GRM7: variants seen among roughly 807,000 people sequenced by gnomAD.
GRM7 encodes glutamate metabotropic receptor 7.
A neutral mutation model predicts 84.5 loss-of-function variants in GRM7; 35 were observed. The ratio of observed to expected loss-of-function variants is 0.41; its 90% CI spans 0.32 to 0.55. The LOEUF is 0.55. Ranked by LOEUF, GRM7 falls within the 20% of genes least tolerant of loss-of-function variation. The pLI, the probability that GRM7 is intolerant of heterozygous loss-of-function variation, is 0.19. For missense variants in GRM7, 1,003 were observed against 1,194.6 expected, an observed-to-expected ratio of 0.84 and a Z score of 2.36; for synonymous variants, 487 against 455.1, an observed-to-expected ratio of 1.07 and a Z score of -0.89.
intron 2 of GRM7, among the ~76,000 whole-genome samples, chr3:7,271,355 C>T (rs1024424132): frequency 8.6e-5 from 13 of 151,896 alleles, no homozygotes; most frequent in African/African-American, 3.1e-4. Flanking sequence ...GTCAGGAGAT[C>T]GAGACCATCC....
At chr3:6,878,454 T>C (rs1213326037) in intron 1 of GRM7, among the ~76,000 whole-genome samples, 2 of 151,196 alleles carry the variant, frequency 1.3e-5, no homozygotes, top group East Asian at 1.9e-4. Flanking sequence ...CTTGAAACTC[T>C]ACTAAGATTT....
intron 8 of GRM7, among the ~76,000 whole-genome samples, chr3:7,606,275 A>G (rs1308339807): frequency 6.6e-6 from 1 of 152,078 alleles, no homozygotes; most frequent in Admixed American, 6.6e-5. Context: ...TTATAAGACT[A>G]AAGAACAAAT....
At chr3:7,734,855 A>G (rs911844794) in intron 9 of GRM7, among the ~76,000 whole-genome samples, 12 of 152,194 alleles carry the variant, frequency 7.9e-5, no homozygotes, top group African/African-American at 1.2e-4. Context: ...AAAGGATTTA[A>G]GAGAGATCAT....
intron 1 of GRM7, among the ~76,000 whole-genome samples, chr3:7,118,965 T>C (rs986199940): frequency 2.2e-4 from 33 of 152,200 alleles, no homozygotes; most frequent in African/African-American, 7.7e-4. Context: ...CTTAAAATAA[T>C]AATTAATCTC....
intron 7 of GRM7, among the ~76,000 whole-genome samples, chr3:7,518,045 C>A (rs1436790391): frequency 6.6e-6 from 1 of 152,182 alleles, no homozygotes; most frequent in African/African-American, 2.4e-5. Context: ...AGATTCCACT[C>A]CTGCTTCTAT....
chr3:7,008,399 G>A (rs1023758012), intron 1 of GRM7, among the ~76,000 whole-genome samples: 4 of 152,132 alleles, frequency 2.6e-5, no homozygotes, highest in African/African-American at 4.8e-5. Flanking sequence ...TGATGGAAAC[G>A]TCTGATGACA....
At chr3:7,675,202 A>G (rs162810) in intron 8 of GRM7, among the ~76,000 whole-genome samples, 71,232 of 152,028 alleles carry the variant, frequency 0.47, 17,498 homozygotes, top group East Asian at 0.76. Context: ...CTAGTCTTAT[A>G]TCTATCCCTG....
intron 1 of GRM7, among the ~76,000 whole-genome samples, chr3:7,003,669 T>C (rs376062433): frequency 2.0e-5 from 3 of 152,240 alleles, no homozygotes; most frequent in East Asian, 3.8e-4. Context: ...TTTAGCTAAG[T>C]GCAGAGTGAT....
chr3:7,537,316 C>T (rs779121494), intron 7 of GRM7, among the ~76,000 whole-genome samples: 90 of 152,084 alleles, frequency 5.9e-4, no homozygotes, highest in Non-Finnish European at 1.0e-3. Flanking sequence ...ACTAAAACTA[C>T]GGTTCTCAAC....
At chr3:6,919,143 T>C (rs527499879) in intron 1 of GRM7, among the ~76,000 whole-genome samples, 1 of 152,312 alleles carries the variant, frequency 6.6e-6, no homozygotes, top group South Asian at 2.1e-4. Flanking sequence ...ATTTTGGTTC[T>C]TTATGTATGG....
intron 1 of GRM7, among the ~76,000 whole-genome samples, chr3:6,945,977 A>T (rs1225669440): frequency 1.3e-5 from 2 of 152,142 alleles, no homozygotes; most frequent in African/African-American, 4.8e-5. Context: ...TCAGATGAGT[A>T]GGTTGCGAAA....
intron 4 of GRM7, among the ~76,000 whole-genome samples, chr3:7,338,199 C>G (rs181003333): frequency 4.0e-4 from 60 of 151,626 alleles, no homozygotes; most frequent in Admixed American, 2.8e-3. Context: ...TTTGCAACAA[C>G]GTGGATGGAG....
intron 1 of GRM7, among the ~76,000 whole-genome samples, chr3:7,066,658 C>T (rs1697677653): frequency 6.6e-6 from 1 of 151,926 alleles, no homozygotes; most frequent in African/African-American, 2.4e-5. Flanking sequence ...AAGGAACTCT[C>T]CCTAATTCAG....
At chr3:7,213,071 G>A (rs545628659) in intron 2 of GRM7, among the ~76,000 whole-genome samples, 7 of 152,152 alleles carry the variant, frequency 4.6e-5, no homozygotes, top group African/African-American at 1.2e-4. Context: ...ATTTTTATGC[G>A]TTTACCTCCC....
intron 2 of GRM7, among the ~76,000 whole-genome samples, chr3:7,210,912 C>T (rs1240387935): frequency 6.6e-6 from 1 of 151,542 alleles, no homozygotes; most frequent in East Asian, 1.9e-4. Flanking sequence ...AAAATGGGGA[C>T]TACCCAATAT....
At chr3:6,947,453 G>T (rs1405571192) in intron 1 of GRM7, among the ~76,000 whole-genome samples, 1 of 152,156 alleles carries the variant, frequency 6.6e-6, no homozygotes, top group Non-Finnish European at 1.5e-5. Context: ...GATTCGGTTT[G>T]CCAGTATTTT....
chr3:7,049,030 A>G (rs1404700148), intron 1 of GRM7, among the ~76,000 whole-genome samples: 1 of 151,970 alleles, frequency 6.6e-6, no homozygotes, highest in Non-Finnish European at 1.5e-5. Flanking sequence ...TCATCCAGAG[A>G]TTAAATAAAT....
chr3:7,006,178 C>G (rs918975223), intron 1 of GRM7, among the ~76,000 whole-genome samples: 1 of 152,104 alleles, frequency 6.6e-6, no homozygotes, highest in Admixed American at 6.6e-5. Context: ...AAGAGTCCCC[C>G]AGAAATTGAA....
chr3:7,364,747 G>C (rs777836143), intron 4 of GRM7, among the ~76,000 whole-genome samples: 39 of 151,720 alleles, frequency 2.6e-4, no homozygotes, highest in Non-Finnish European at 4.6e-4. Context: ...CTGTAATCCT[G>C]CTCACTGAGT....
Sources: allele counts gnomAD v4.1 joint callset (sites outside exome capture counted in the v4.1 genomes callset), GRCh38; gene constraint gnomAD v4.1.1; transcripts MANE v1.5; gene names NCBI Gene and HGNC (gene_info 2026-07-23, HGNC 2026-07-21).